ADAMTS16: variants seen among roughly 807,000 people sequenced by gnomAD.
The protein encoded by ADAMTS16 is A disintegrin and metalloproteinase with thrombospondin motifs 16.
In ADAMTS16, 94 loss-of-function variants were observed where a neutral mutation model predicts 145.8. That is an observed-to-expected ratio of 0.64 (90% confidence interval 0.55 to 0.77). The LOEUF is 0.77. Among genes scored for constraint, ADAMTS16 ranks in the 30% least tolerant of loss-of-function variants. The pLI, the probability that ADAMTS16 is intolerant of heterozygous loss-of-function variation, is 0.00. For synonymous variants in ADAMTS16, 659 were observed against 604.3 expected (o/e 1.09, Z -1.33); for missense variants, 1,585 against 1,591.5 (o/e 1.00, Z 0.07).
At chr5:5,291,206 T>A (rs1739300641) in intron 18 of ADAMTS16, among the ~76,000 whole-genome samples, 1 of 152,060 alleles carries the variant, frequency 6.6e-6, no homozygotes, top group African/African-American at 2.4e-5. Context: ...ATTTTTTTTT[T>A]AATTCGTATT....
intron 2 of ADAMTS16, among the ~76,000 whole-genome samples, chr5:5,141,230 G>T (rs1475251834): frequency 6.6e-6 from 1 of 152,104 alleles, no homozygotes; most frequent in Admixed American, 6.5e-5. Flanking sequence ...GGAGATAAAA[G>T]AAGCGCTTAG....
chr5:5,142,257 T>C (rs766823287), intron 2 of ADAMTS16: 4 of 152,216 alleles, frequency 2.6e-5, no homozygotes, highest in Non-Finnish European at 4.4e-5. Flanking sequence ...TTCAATCTGC[T>C]TCAGCATCCT....
chr5:5,157,733 T>G (rs965584449), intron 3 of ADAMTS16, among the ~76,000 whole-genome samples: 38 of 152,324 alleles, frequency 2.5e-4, no homozygotes, highest in African/African-American at 9.1e-4. Context: ...TGTATGAGTC[T>G]TTTCTTCTTA....
intron 3 of ADAMTS16, among the ~76,000 whole-genome samples, chr5:5,147,070 C>T (rs1167682028): frequency 2.0e-5 from 3 of 152,140 alleles, no homozygotes; most frequent in African/African-American, 7.2e-5. Context: ...TTTACAGGGA[C>T]GCTAGAGCCG....
In ADAMTS16 at chr5:5,300,390, TA is replaced by T. The variant is rs200613253; in HGVS notation, c.2790-2869del. On this transcript the variant is annotated intron_variant, in intron 18 of 22. Transcript: ENST00000274181. ...TAATTTAGGTGGCTTAACATGGAATTAAAAAAAAATCCACTAATCTCGTTGA... is the reference window on the plus strand; with the variant it reads ...TAATTTAGGTGGCTTAACATGGAATTAAAAAAAATCCACTAATCTCGTTGA... 4.1e-3 allele frequency among the ~76,000 whole-genome samples: 621 copies of T among 151,478 alleles called. 4 individuals are homozygous for T. Among genetic ancestry groups the T allele is most frequent in the African/African-American group, 0.014 (563 of 41,306 alleles).
chr5:5,230,877 A>G (rs1313316442), intron 11 of ADAMTS16, among the ~76,000 whole-genome samples: 3 of 152,182 alleles, frequency 2.0e-5, no homozygotes, highest in African/African-American at 7.2e-5. Flanking sequence ...GGGGCTTCGA[A>G]TCCTGTTCTT....
chr5:5,301,419 C>T (rs12109419), intron 18 of ADAMTS16, among the ~76,000 whole-genome samples: 73,703 of 152,044 alleles, frequency 0.48, 18,434 homozygotes, highest in Non-Finnish European at 0.55. Context: ...ATAAAACTTG[C>T]ATATACTGCC....
At chr5:5,151,991 C>T (rs1366052717) in intron 3 of ADAMTS16, among the ~76,000 whole-genome samples, 3 of 152,074 alleles carry the variant, frequency 2.0e-5, no homozygotes, top group Non-Finnish European at 4.4e-5. Flanking sequence ...TAAGTGAGAC[C>T]ATATAGTATT....
rs1332740051 is a variant in ADAMTS16, at chr5:5,232,396, A to G, written c.1730A>G (p.Tyr577Cys). 6.2e-7 allele frequency: 1 copy of G among 1,613,870 alleles called. No individual in the cohort carries two copies. The highest frequency in any genetic ancestry group is 8.5e-7 in the Non-Finnish European group (1 of 1,180,006). ...TGCCGGGGAGGACAGTGTGTGAAATATGGTGATGAAGGCCCCAAGCCCACC... is the reference window on the plus strand; with the variant it reads ...TGCCGGGGAGGACAGTGTGTGAAATGTGGTGATGAAGGCCCCAAGCCCACC... ...MWCRGGQCVKYGDEGPKPTHG... is the reference protein window; with the variant it reads ...MWCRGGQCVKCGDEGPKPTHG... The change falls in exon 12 of 23, where the codon TAT (tyrosine) becomes TGT (cysteine). Residue 577 changes from tyrosine (Y) to cysteine (C), a missense_variant. Physicochemically the swap from Tyr to Cys is radical, Grantham distance 194. This residue lies in a region of ADAMTS16 where 298 missense variants were observed against 367.6 expected (regional missense o/e 0.81). Transcript: ENST00000274181.
intron 10 of ADAMTS16, among the ~76,000 whole-genome samples, chr5:5,209,576 TA>T (rs942932147): frequency 2.6e-5 from 4 of 152,114 alleles, no homozygotes; most frequent in East Asian, 3.9e-4. Flanking sequence ...TAAATGATTT[TA>T]AAAAAACGAA....
chr5:5,165,583 G>A (rs1056498702), intron 3 of ADAMTS16, among the ~76,000 whole-genome samples: 5 of 152,198 alleles, frequency 3.3e-5, no homozygotes, highest in African/African-American at 9.7e-5. Flanking sequence ...AAAGAGCATC[G>A]TTGTGAGAGA....
intron 18 of ADAMTS16, among the ~76,000 whole-genome samples, chr5:5,295,678 G>C (rs1159282678): frequency 6.6e-6 from 1 of 152,274 alleles, no homozygotes; most frequent in African/African-American, 2.4e-5. Flanking sequence ...CCAGTGGGCA[G>C]GGAGGAGCCC....
At chr5:5,155,729 T>C (rs1198443111) in intron 3 of ADAMTS16, among the ~76,000 whole-genome samples, 1 of 151,688 alleles carries the variant, frequency 6.6e-6, no homozygotes, top group Non-Finnish European at 1.5e-5. Flanking sequence ...GAAGTGAGAA[T>C]GACAGGAACA....
At chr5:5,201,439 A>G (rs1402165391) in intron 9 of ADAMTS16, among the ~76,000 whole-genome samples, 1 of 151,842 alleles carries the variant, frequency 6.6e-6, no homozygotes, top group Non-Finnish European at 1.5e-5. Flanking sequence ...CTAAGGAACT[A>G]GCTAGTTGTG....
Position 5,237,031 on chromosome 5 carries a change from A to G in ADAMTS16, c.2086A>G (p.Asn696Asp). 1.2e-6 allele frequency: 2 copies of G among 1,614,060 alleles called. No homozygotes were observed. The highest frequency in any genetic ancestry group is 1.7e-6 in the Non-Finnish European group (2 of 1,179,964). The stretch of plus-strand genomic sequence containing the variant: ...ATTTGATTTCTTCTTTTCTTTGTCA[A>G]ATAAAGTCAAAGATGGGACTCCATG... ...EGFDFFFSLS[N>D]KVKDGTPCSE... The change falls in exon 14 of 23, where the codon AAT becomes GAT. Residue 696 changes from asparagine (N) to aspartate (D), a missense_variant. Coordinates refer to ENST00000274181, the MANE Select transcript of ADAMTS16 (RefSeq NM_139056.4).
chr5:5,169,474 G>T (rs1458094923), intron 3 of ADAMTS16, among the ~76,000 whole-genome samples: 2 of 152,126 alleles, frequency 1.3e-5, no homozygotes, highest in South Asian at 2.1e-4. Flanking sequence ...CTCATGACTG[G>T]ATGTGCACTG....
chr5:5,247,727 G>C (rs1463257346), intron 17 of ADAMTS16, among the ~76,000 whole-genome samples: 1 of 152,206 alleles, frequency 6.6e-6, no homozygotes, highest in Non-Finnish European at 1.5e-5. Context: ...GGCGATTACT[G>C]CCTATATCCA....
intron 8 of ADAMTS16, among the ~76,000 whole-genome samples, chr5:5,194,149 T>C (rs913649894): frequency 6.6e-6 from 1 of 152,058 alleles, no homozygotes; most frequent in African/African-American, 2.4e-5. Flanking sequence ...GAGAGTCCCA[T>C]TGCTAATATA....
chr5:5,155,286 A>T (rs1489223970), intron 3 of ADAMTS16, among the ~76,000 whole-genome samples: 1 of 151,936 alleles, frequency 6.6e-6, no homozygotes, highest in Non-Finnish European at 1.5e-5. Flanking sequence ...CACCCATCTA[A>T]ACTCGCCCAG....
Sources: allele counts gnomAD v4.1 joint callset (sites outside exome capture counted in the v4.1 genomes callset), GRCh38; gene constraint gnomAD v4.1.1; regional missense constraint gnomAD v4.1.1; transcripts MANE v1.5; gene names NCBI Gene and HGNC (gene_info 2026-07-23, HGNC 2026-07-21).